OST4: variants seen among roughly 807,000 people sequenced by gnomAD.
OST4 encodes the protein oligosaccharyltransferase complex subunit 4, non-catalytic, also known as dolichyl-diphosphooligosaccharide--protein glycosyltransferase subunit 4.
OST4 carries 3 observed loss-of-function variants against 2.1 expected under a neutral mutation model. The observed-to-expected ratio is 1.42, with a 90% confidence interval of 0.65 to 3.67. OST4 has a LOEUF of 3.67. Among genes scored for constraint, OST4 ranks in the 30% most tolerant of loss-of-function variants. The pLI, the probability that OST4 is intolerant of heterozygous loss-of-function variation, is 0.03. For missense variants in OST4, 52 were observed against 47.1 expected, an observed-to-expected ratio of 1.10 and a Z score of -0.30; for synonymous variants, 23 against 21.6, an observed-to-expected ratio of 1.06 and a Z score of -0.18.
In OST4 at chr2:27,070,854, C is replaced by G. The variant is rs181742210; in HGVS notation, c.*24-133G>C. The G allele has an allele frequency of 3.6e-3, 556 of 156,072 alleles. 4 individuals carry two copies. The highest frequency in any genetic ancestry group is 0.013 in the African/African-American group (540 of 41,572). The allele number at this position is 156,072 out of a possible 1,614,324, so 9.7% of individuals were successfully genotyped here. A position where few individuals can be genotyped will look rare whatever the true frequency, so the allele number is the denominator to read the frequency against. ...ACACTTAAGGCTGGCTCCAAAGCCCCCCCTTCCTTCTCTATAGTTTGGGTC... is the reference window on the plus strand; with the variant it reads ...ACACTTAAGGCTGGCTCCAAAGCCCGCCCTTCCTTCTCTATAGTTTGGGTC... On this transcript the variant is annotated intron_variant, in intron 2 of 2. Transcript: ENST00000456793.
chr2:27,070,903 A>AC (rs1431662403), intron 2 of OST4, among the ~76,000 whole-genome samples, 182 bp from the exon 3 acceptor site: 2 of 152,116 alleles, frequency 1.3e-5, no homozygotes, highest in Non-Finnish European at 2.9e-5. Context: ...TGGCCTCAGA[A>AC]CATGGAAACA....
At chr2:27,071,540 C>T (rs1669272314) in intron 1 of OST4, 61 bp downstream of exon 1, 1 of 1,205,392 alleles carries the variant, frequency 8.3e-7, no homozygotes, top group Admixed American at 2.1e-5. Context: ...GCCCCACGGG[C>T]CAGCCACGGC....
intron 2 of OST4, 138 bp downstream of exon 2, chr2:27,071,188 G>T: frequency 1.7e-6 from 1 of 605,836 alleles, no homozygotes; most frequent in East Asian, 2.8e-5. Flanking sequence ...TCTACTCTGT[G>T]CAGACAAAGG....
chr2:27,070,936 C>T (rs540743358), intron 2 of OST4, among the ~76,000 whole-genome samples: 28 of 152,152 alleles, frequency 1.8e-4, no homozygotes, highest in African/African-American at 6.8e-4. Context: ...TGTCACCCCC[C>T]TCACCAAAAA....
intron 1 of OST4, 23 bp downstream of exon 1, chr2:27,071,578 G>C (rs2148313010): frequency 8.8e-6 from 6 of 681,484 alleles, no homozygotes; most frequent in Non-Finnish European, 7.1e-6. Context: ...TGGCCCGTGG[G>C]ACGGCCCCTG....
intron 1 of OST4, 39 bp downstream of exon 1, chr2:27,071,562 C>G: frequency 6.9e-5 from 47 of 682,444 alleles, no homozygotes; most frequent in East Asian, 1.5e-4. Flanking sequence ...ACGGCCACGG[C>G]GGGGCTGGCC....
chr2:27,071,354 C>T lies in OST4; in HGVS notation c.109G>A (p.Glu37Lys), dbSNP rs2148312744. 1 of 1,551,352 alleles carries T rather than the reference C, an allele frequency of 6.4e-7. No individual in the cohort carries two copies. The highest frequency in any genetic ancestry group is 8.7e-7 in the Non-Finnish European group (1 of 1,146,678). ...YVAVNNPKKQ[E>K] is the part of the protein sequence containing the mutation. ...GGGCGGAGAAAGCGCCACTTTCATT[C>T]CTGCTTCTTGGGATTGTTGACGGCC... Residue 37 changes from glutamate (E) to lysine (K), a missense_variant, in exon 2 of 3, where the codon GAA becomes AAA. Glu to Lys is a moderately conservative substitution (Grantham distance 56). Coordinates refer to ENST00000456793, the MANE Select transcript of OST4 (RefSeq NM_001134693.2).
At chr2:27,071,498 C>A in intron 1 of OST4, 35 bp from the exon 2 acceptor site, 2 of 1,506,598 alleles carry the variant, frequency 1.3e-6, no homozygotes, top group South Asian at 2.4e-5. Context: ...TGCGGGCTGG[C>A]GCACTCCTCG....
At position 27,071,450 on chromosome 2, in the gene OST4, C is replaced by G; in HGVS notation, c.13G>C (p.Val5Leu). MITD[V>L]QLAIFANMLG... Reference sequence around the variant, plus strand: ...ATGTTGGCGAAGATGGCGAGCTGCACGTCCGTGATCATCCTGCGGAGAAGA... The same window carrying G: ...ATGTTGGCGAAGATGGCGAGCTGCAGGTCCGTGATCATCCTGCGGAGAAGA... The change falls in exon 2 of 3, where the codon GTG becomes CTG. Residue 5 changes from valine to leucine, a missense_variant. Val to Leu is a conservative substitution (Grantham distance 32). Coordinates refer to ENST00000456793, the MANE Select transcript of OST4 (RefSeq NM_001134693.2). 3 of 1,551,356 alleles carry G rather than the reference C, an allele frequency of 1.9e-6. No homozygotes were observed. The highest frequency in any genetic ancestry group is 2.6e-6 in the Non-Finnish European group (3 of 1,146,810).
At chr2:27,071,182 C>T in intron 2 of OST4, 144 bp downstream of exon 2, 2 of 597,364 alleles carry the variant, frequency 3.3e-6, no homozygotes, top group East Asian at 2.9e-5. Flanking sequence ...TCTCTCTCTA[C>T]TCTGTGCAGA....
intron 2 of OST4, 86 bp from the exon 3 acceptor site, chr2:27,070,807 G>A (rs1436455664): frequency 6.4e-6 from 1 of 156,788 alleles, no homozygotes; most frequent in Non-Finnish European, 1.4e-5. Flanking sequence ...GCCCATCCAT[G>A]TTCCCTTTAT....
At position 27,071,381 on chromosome 2, in the gene OST4, C is replaced by T. The variant is rs1558428772; in HGVS notation, c.82G>A (p.Val28Met). 7.7e-6 allele frequency: 12 copies of T among 1,551,554 alleles called. No homozygotes were observed. The highest frequency in any genetic ancestry group is 8.7e-6 in the Non-Finnish European group (10 of 1,146,960). The change falls in exon 2 of 3, where the codon GTG becomes ATG. Residue 28 changes from valine to methionine, a missense_variant. Transcript: ENST00000456793. ...TGCTTCTTGGGATTGTTGACGGCCA[C>T]GTAGTGATAGAGAACGACAAGCAAG... Reference protein sequence around the residue: ...LFLLVVLYHYVAVNNPKKQE With the variant: ...LFLLVVLYHYMAVNNPKKQE
At chr2:27,071,548 G>T in intron 1 of OST4, 53 bp downstream of exon 1, 2 of 1,054,528 alleles carry the variant, frequency 1.9e-6, no homozygotes, top group Non-Finnish European at 2.8e-6. Flanking sequence ...GGCCAGCCAC[G>T]GCCACGGCCA....
At position 27,071,112 on chromosome 2, in the gene OST4, G is replaced by A. The variant is rs527262381; in HGVS notation, c.*23+214C>T. Among the ~76,000 whole-genome samples, 3 of 152,348 alleles carry A rather than the reference G, an allele frequency of 2.0e-5. No individual in the cohort carries two copies. In the South Asian group the frequency reaches 6.2e-4, roughly 32 times the overall value. On this transcript the variant is annotated intron_variant, in intron 2 of 2. Transcript: ENST00000456793. ...GGCATCTACCTACTGGAGACTGTGA[G>A]GGTTAGGCAACCCACTCCCATTCTA...
chr2:27,071,588 G>C lies in OST4; in HGVS notation c.-2+13C>G. The C allele has an allele frequency of 1.5e-6, 1 of 661,614 alleles. No homozygotes were observed. Among genetic ancestry groups the C allele is most frequent in the Non-Finnish European group, 2.5e-6 (1 of 394,626 alleles). 41.0% of individuals were successfully genotyped at this position (661,614 alleles called of 1,614,324 possible). A position where few individuals can be genotyped will look rare whatever the true frequency, so the allele number is the denominator to read the frequency against. On this transcript the variant is annotated intron_variant, in intron 1 of 2. Coordinates refer to ENST00000456793, the MANE Select transcript of OST4 (RefSeq NM_001134693.2). ...GGGGCTGGCCCGTGGGACGGCCCCT[G>C]CGTGCCTCTGACCTGACCAGTCCGG...
At chr2:27,071,146 C>T (rs978358319) in intron 2 of OST4, among the ~76,000 whole-genome samples, 180 bp downstream of exon 2, 3 of 152,218 alleles carry the variant, frequency 2.0e-5, no homozygotes, top group Admixed American at 2.0e-4. Context: ...TAGCAGGGAA[C>T]AGGTTACGGG....
chr2:27,071,272 C>T, intron 2 of OST4, 54 bp downstream of exon 2: 1 of 1,149,024 alleles, frequency 8.7e-7, no homozygotes, highest in Non-Finnish European at 1.3e-6. Flanking sequence ...CTAGCCCTGG[C>T]GCGGCCTCGC....
rs1428592806 is a variant in OST4 at position 27,071,355 on chromosome 2, C to T, written c.108G>A (p.Gln36=). 4 of 1,551,436 alleles carry T rather than the reference C, an allele frequency of 2.6e-6. No individual in the cohort carries two copies. In the South Asian group the frequency reaches 3.6e-5, roughly 14 times the overall value. The change falls in exon 2 of 3, where the codon CAG becomes CAA. Residue 36 remains glutamine (Q), a synonymous_variant. Transcript: ENST00000456793. ...HYVAVNNPKK[Q]E ...GGCGGAGAAAGCGCCACTTTCATTC[C>T]TGCTTCTTGGGATTGTTGACGGCCA...
intron 2 of OST4, among the ~76,000 whole-genome samples, chr2:27,070,949 A>T (rs1042910746): frequency 6.6e-6 from 1 of 152,198 alleles, no homozygotes; most frequent in South Asian, 2.1e-4. Flanking sequence ...ACCAAAAAAA[A>T]TCTGCCCAAA....
Sources: gnomAD v4.1 joint callset for allele counts (sites outside exome capture counted in the v4.1 genomes callset) on GRCh38, gnomAD v4.1.1 for gene constraint, MANE v1.5 for transcripts, NCBI Gene and HGNC (gene_info 2026-07-23, HGNC 2026-07-21) for gene names.